SAMD4A: variants seen among roughly 807,000 people sequenced by gnomAD.
The protein encoded by SAMD4A is sterile alpha motif domain containing 4A, also known as protein Smaug homolog 1.
A neutral mutation model predicts 81.3 loss-of-function variants in SAMD4A; 33 were observed. That is an observed-to-expected ratio of 0.41 (90% confidence interval 0.31 to 0.54). SAMD4A has a LOEUF of 0.54. Ranked by LOEUF, SAMD4A falls within the 20% of genes least tolerant of loss-of-function variation. The probability of loss-of-function intolerance (pLI) is 0.37; values close to 1 mark genes in which losing one functional copy is unlikely to be tolerated. For synonymous variants in SAMD4A, 389 were observed against 382.1 expected (o/e 1.02, Z -0.21); for missense variants, 854 against 951.1 (o/e 0.90, Z 1.34).
At chr14:54,651,836 T>C (rs1356713659) in intron 2 of SAMD4A, among the ~76,000 whole-genome samples, 1 of 152,232 alleles carries the variant, frequency 6.6e-6, no homozygotes, top group Non-Finnish European at 1.5e-5. Flanking sequence ...TGTTTCATCA[T>C]AGACTCCTTG....
intron 3 of SAMD4A, among the ~76,000 whole-genome samples, chr14:54,726,930 A>G (rs1489231353): frequency 1.3e-5 from 2 of 152,128 alleles, no homozygotes; most frequent in African/African-American, 4.8e-5. Flanking sequence ...GCATTCTATA[A>G]AGTTGTTGTG....
Position 54,791,481 on chromosome 14 carries a change from T to C in SAMD4A, c.*2537T>C, listed in dbSNP as rs2039258291. 6.6e-6 allele frequency: 1 copy of C among 152,234 alleles called. No homozygotes were observed. The highest frequency in any genetic ancestry group is 1.5e-5 in the Non-Finnish European group (1 of 68,036). 9.4% of individuals were successfully genotyped at this position (152,234 alleles called of 1,614,324 possible). On this transcript the variant is annotated 3_prime_UTR_variant, in exon 13 of 13. Transcript: ENST00000554335. ...TCACTGAATATAGAAACAATGGTTA[T>C]CTGATTATTAGAGATATTATTTTGG... is the stretch of plus-strand genomic sequence containing the variant.
At chr14:54,687,772 G>A (rs1230654127) in intron 2 of SAMD4A, among the ~76,000 whole-genome samples, 1 of 152,176 alleles carries the variant, frequency 6.6e-6, no homozygotes, top group Non-Finnish European at 1.5e-5. Flanking sequence ...GGGAATGGGA[G>A]GGTAAGGGCC....
At chr14:54,693,420 G>T in intron 2 of SAMD4A, 1 of 152,180 alleles carries the variant, frequency 6.6e-6, no homozygotes, top group Admixed American at 6.5e-5. Context: ...TAATTAGCTG[G>T]GCGCAGTGCC....
intron 6 of SAMD4A, among the ~76,000 whole-genome samples, chr14:54,758,465 C>T (rs966636873): frequency 6.6e-6 from 1 of 152,202 alleles, no homozygotes; most frequent in African/African-American, 2.4e-5. Context: ...AAGAGATGAC[C>T]CCAGGAATGG....
At chr14:54,752,028 T>C (rs1027276589) in intron 6 of SAMD4A, among the ~76,000 whole-genome samples, 1 of 152,176 alleles carries the variant, frequency 6.6e-6, no homozygotes, top group African/African-American at 2.4e-5. Flanking sequence ...TCAAAAGCAT[T>C]TGGCAGGCAG....
intron 2 of SAMD4A, among the ~76,000 whole-genome samples, chr14:54,570,391 T>C (rs1345776256): frequency 6.6e-6 from 1 of 152,208 alleles, no homozygotes; most frequent in Non-Finnish European, 1.5e-5. Context: ...TCCAAGAGAA[T>C]ATTTCAGGCC....
At chr14:54,783,401 G>C (rs369528715) in intron 11 of SAMD4A, among the ~76,000 whole-genome samples, 14 of 152,314 alleles carry the variant, frequency 9.2e-5, no homozygotes, top group African/African-American at 2.6e-4. Context: ...GACAGTGAGG[G>C]CTCCAGCAGG....
intron 3 of SAMD4A, among the ~76,000 whole-genome samples, chr14:54,731,597 C>G (rs770936039): frequency 2.6e-5 from 4 of 152,132 alleles, no homozygotes; most frequent in Non-Finnish European, 4.4e-5. Context: ...GTTGTGCTAG[C>G]TATTTGGATT....
intron 3 of SAMD4A, among the ~76,000 whole-genome samples, chr14:54,707,044 C>G (rs943387308): frequency 6.6e-6 from 1 of 150,966 alleles, no homozygotes; most frequent in African/African-American, 2.4e-5. Context: ...GGAATGGATA[C>G]TAGAAATGTT....
intron 5 of SAMD4A, among the ~76,000 whole-genome samples, chr14:54,750,862 T>G (rs968318): frequency 1 from 151,943 of 152,368 alleles, 75,761 homozygotes; most frequent in East Asian, 1. Context: ...ATGCTGGGTA[T>G]AATAATTGGC....
chr14:54,731,762 T>C lies in SAMD4A; in HGVS notation c.716-5262T>C, dbSNP rs573398368. ...AATCATCTCTATGTGGCTGGACTCATAGGGCATGATGAGAGCACAGAACCC... is the reference window on the plus strand; with the variant it reads ...AATCATCTCTATGTGGCTGGACTCACAGGGCATGATGAGAGCACAGAACCC... On this transcript the variant is annotated intron_variant, in intron 3 of 12. Coordinates refer to ENST00000554335, the MANE Select transcript of SAMD4A (RefSeq NM_015589.6). 9.2e-5 allele frequency among the ~76,000 whole-genome samples: 14 copies of C among 152,306 alleles called. No individual in the cohort carries two copies. The South Asian group carries it at 1.7e-3, about 18-fold the overall frequency.
intron 10 of SAMD4A, among the ~76,000 whole-genome samples, chr14:54,776,015 T>TAAAAAA (rs10539223): frequency 2.2e-5 from 2 of 89,840 alleles, no homozygotes; most frequent in African/African-American, 9.7e-5. Flanking sequence ...GTAAGAATCT[T>TAAAAAA]AAAAAAAAAA....
At chr14:54,757,075 T>G (rs1014123838) in intron 6 of SAMD4A, among the ~76,000 whole-genome samples, 6 of 152,224 alleles carry the variant, frequency 3.9e-5, no homozygotes, top group African/African-American at 1.4e-4. Flanking sequence ...GAGAATTAAT[T>G]CTTACAGTCA....
At chr14:54,566,378 G>C (rs2032934057), upstream of SAMD4A, among the ~76,000 whole-genome samples, 1 of 151,762 alleles carries the variant, frequency 6.6e-6, no homozygotes, top group South Asian at 2.1e-4. Flanking sequence ...CTCCCCGGGG[G>C]CTTCCCCCTC....
intron 2 of SAMD4A, among the ~76,000 whole-genome samples, chr14:54,681,043 G>A (rs1185639925): frequency 1.3e-5 from 2 of 152,222 alleles, no homozygotes; most frequent in Non-Finnish European, 2.9e-5. Flanking sequence ...AACCAAGAAC[G>A]TAAGTGAAAC....
At chr14:54,701,982 A>T (rs1013964052) in intron 2 of SAMD4A, 80 bp from the exon 3 acceptor site, 18 of 1,457,830 alleles carry the variant, frequency 1.2e-5, no homozygotes, top group Non-Finnish European at 1.7e-5. Flanking sequence ...ACCCTAATCC[A>T]TAAAAATTCT....
Position 54,728,896 on chromosome 14 carries a change from C to A in SAMD4A, c.716-8128C>A, listed in dbSNP as rs534520398. On this transcript the variant is annotated intron_variant, in intron 3 of 12. Coordinates refer to ENST00000554335, the MANE Select transcript of SAMD4A (RefSeq NM_015589.6). The stretch of plus-strand genomic sequence containing the variant: ...CATCCTCTGATGATGCCTGTCCTTA[C>A]CTGATCAGTGAGAGCCACTGTTCCA... Among the ~76,000 whole-genome samples, 3 of 152,286 alleles carry A rather than the reference C, an allele frequency of 2.0e-5. No individual in the cohort carries two copies. The South Asian group carries it at 6.2e-4, about 32-fold the overall frequency.
chr14:54,656,975 T>A (rs1162692439), intron 2 of SAMD4A, among the ~76,000 whole-genome samples: 3 of 152,084 alleles, frequency 2.0e-5, no homozygotes, highest in Non-Finnish European at 2.9e-5. Flanking sequence ...TTTTTTTTTT[T>A]AATTTCTCCT....
Sources: gnomAD v4.1 joint callset for allele counts (sites outside exome capture counted in the v4.1 genomes callset) on GRCh38, gnomAD v4.1.1 for gene constraint, MANE v1.5 for transcripts, NCBI Gene and HGNC (gene_info 2026-07-23, HGNC 2026-07-21) for gene names.